FAM240B: variants seen among roughly 807,000 people sequenced by gnomAD.
FAM240B encodes protein FAM240B.
intron 2 of FAM240B, among the ~76,000 whole-genome samples, chr9:38,702,795 T>G (rs1343596234): frequency 1.3e-5 from 2 of 152,220 alleles, no homozygotes; most frequent in African/African-American, 2.4e-5. Context: ...CACTAGTTTT[T>G]CGCACATATA....
chr9:38,709,149 C>T (rs751092184), intron 1 of FAM240B, among the ~76,000 whole-genome samples: 1 of 152,098 alleles, frequency 6.6e-6, no homozygotes, highest in Non-Finnish European at 1.5e-5. Context: ...TTGGCCTCAA[C>T]CCCTCCATGT....
At chr9:38,710,937 A>G (rs183428738) in intron 1 of FAM240B, among the ~76,000 whole-genome samples, 6 of 152,160 alleles carry the variant, frequency 3.9e-5, no homozygotes, top group Admixed American at 3.3e-4. Flanking sequence ...TAAGATTTAA[A>G]CCAAACCCAA....
intron 2 of FAM240B, among the ~76,000 whole-genome samples, 162 bp from the exon 3 acceptor site, chr9:38,695,031 A>G (rs1821052798): frequency 6.6e-6 from 1 of 152,126 alleles, no homozygotes. Context: ...ACTCCCACTT[A>G]TGAGTGAGAA....
intron 1 of FAM240B, among the ~76,000 whole-genome samples, chr9:38,711,394 A>G (rs149442939): frequency 2.7e-4 from 41 of 152,200 alleles, no homozygotes; most frequent in African/African-American, 8.7e-4. Context: ...CAAAGTTTCT[A>G]GGTCTGGGAG....
chr9:38,710,992 C>G (rs1821248615), intron 1 of FAM240B, among the ~76,000 whole-genome samples: 1 of 152,122 alleles, frequency 6.6e-6, no homozygotes, highest in South Asian at 2.1e-4. Flanking sequence ...AGCCACGGGA[C>G]AGAGAGATGG....
intron 1 of FAM240B, among the ~76,000 whole-genome samples, chr9:38,704,979 C>T (rs527909647): frequency 1.2e-4 from 18 of 152,234 alleles, no homozygotes; most frequent in Non-Finnish European, 2.2e-4. Context: ...ATGTCCGGGG[C>T]AAGCTCGTTC....
chr9:38,719,987 C>G (rs1012676387), intron 1 of FAM240B, 35 bp downstream of exon 1: 1 of 152,132 alleles, frequency 6.6e-6, no homozygotes, highest in African/African-American at 2.4e-5. Flanking sequence ...GCAAGATGTT[C>G]CCACACTTGA....
intron 1 of FAM240B, among the ~76,000 whole-genome samples, chr9:38,706,332 T>G (rs939196493): frequency 6.6e-6 from 1 of 152,034 alleles, no homozygotes; most frequent in Non-Finnish European, 1.5e-5. Flanking sequence ...GAGCCTGCAC[T>G]CTTCCCACCG....
At chr9:38,707,750 C>T (rs1298650607) in intron 1 of FAM240B, among the ~76,000 whole-genome samples, 12 of 148,574 alleles carry the variant, frequency 8.1e-5, no homozygotes, top group South Asian at 2.1e-4. Context: ...GCTGAGGCAG[C>T]GCCACTGCAC....
chr9:38,706,567 G>A (rs1821192714), intron 1 of FAM240B, among the ~76,000 whole-genome samples: 1 of 152,104 alleles, frequency 6.6e-6, no homozygotes, highest in Admixed American at 6.5e-5. Flanking sequence ...TCCAAGAGCC[G>A]GCCCCTTTGG....
At chr9:38,714,452 C>T (rs912199759) in intron 1 of FAM240B, among the ~76,000 whole-genome samples, 1 of 152,224 alleles carries the variant, frequency 6.6e-6, no homozygotes, top group South Asian at 2.1e-4. Flanking sequence ...ATACTCCCCT[C>T]TCTCTAGAAG....
chr9:38,715,255 C>T (rs892377175), intron 1 of FAM240B, among the ~76,000 whole-genome samples: 4 of 152,126 alleles, frequency 2.6e-5, no homozygotes. Context: ...AGGAGACCCC[C>T]CCACACTCTT....
chr9:38,694,811 C>G lies in FAM240B; in HGVS notation c.202G>C (p.Val68Leu). The G allele has an allele frequency of 2.5e-6, 1 of 398,690 alleles. No homozygotes were observed. The highest frequency in any genetic ancestry group is 4.4e-6 in the Non-Finnish European group (1 of 226,154). The allele number at this position is 398,690 out of a possible 1,614,324, so 24.7% of individuals were successfully genotyped here. A position where few individuals can be genotyped will look rare whatever the true frequency, so the allele number is the denominator to read the frequency against. ...ERRLRMLDNP[V>L]EKEKPAHTAD Reference sequence around the variant, plus strand: ...GTGTGTGCCGGCTTTTCCTTCTCAACAGGGTTGTCCAGCATCCTCAGCCTC... The same window carrying G: ...GTGTGTGCCGGCTTTTCCTTCTCAAGAGGGTTGTCCAGCATCCTCAGCCTC... Residue 68 changes from valine to leucine, a missense_variant, in exon 3 of 3, where the codon GTT becomes CTT. Physicochemically the swap from Val to Leu is conservative, Grantham distance 32 (BLOSUM62 1). Transcript: ENST00000637493.
intron 2 of FAM240B, among the ~76,000 whole-genome samples, chr9:38,697,934 C>T (rs534241611): frequency 6.6e-6 from 1 of 152,316 alleles, no homozygotes; most frequent in South Asian, 2.1e-4. Context: ...AAGGTTTGGC[C>T]CTAAGGCCAA....
rs142004541 is a variant in FAM240B at position 38,696,049 on chromosome 9, A to G, written c.144-1180T>C. On this transcript the variant is annotated intron_variant, in intron 2 of 2. Coordinates refer to ENST00000637493, the MANE Select transcript of FAM240B (RefSeq NM_001394922.1). ...CGTGTGTGTTTCCCCTCAAATTCAT[A>G]TATCTAATTCCTAACTTCCAAGGGG... Among the ~76,000 whole-genome samples the G allele has an allele frequency of 2.4e-3, 372 of 152,304 alleles. 1 individual carries two copies. The highest frequency in any genetic ancestry group is 8.1e-3 in the South Asian group (39 of 4,816).
chr9:38,717,282 A>G (rs1821315215), intron 1 of FAM240B, among the ~76,000 whole-genome samples: 1 of 140,568 alleles, frequency 7.1e-6, no homozygotes, highest in East Asian at 1.9e-4. Context: ...ATTTGGTCAA[A>G]GAGTTAACAA....
At chr9:38,712,344 T>C (rs1322505173) in intron 1 of FAM240B, among the ~76,000 whole-genome samples, 1 of 152,150 alleles carries the variant, frequency 6.6e-6, no homozygotes, top group Admixed American at 6.5e-5. Flanking sequence ...ACATGAAAAA[T>C]GCATTGGTCT....
intron 2 of FAM240B, among the ~76,000 whole-genome samples, chr9:38,699,998 C>T (rs1053816499): frequency 2.6e-5 from 4 of 152,138 alleles, no homozygotes; most frequent in African/African-American, 7.2e-5. Context: ...TGGGAAGAGG[C>T]GGGCCTGAGT....
At chr9:38,709,127 C>T (rs1316334812) in intron 1 of FAM240B, among the ~76,000 whole-genome samples, 1 of 152,140 alleles carries the variant, frequency 6.6e-6, no homozygotes, top group Non-Finnish European at 1.5e-5. Flanking sequence ...ACAGTTGCCA[C>T]TGTGCTGACT....
Sources: gnomAD v4.1 joint callset for allele counts (sites outside exome capture counted in the v4.1 genomes callset) on GRCh38, gnomAD v4.1.1 for gene constraint, MANE v1.5 for transcripts, NCBI Gene and HGNC (gene_info 2026-07-23, HGNC 2026-07-21) for gene names.